WAC: variants seen among roughly 807,000 people sequenced by gnomAD.
WAC encodes the protein WW domain containing adaptor with coiled-coil.
A neutral mutation model predicts 79.6 loss-of-function variants in WAC; 11 were observed. That is an observed-to-expected ratio of 0.14 (90% confidence interval 0.09 to 0.23). The LOEUF is 0.23. WAC is among the 10% of genes least tolerant of loss of function. WAC has a pLI of 1.00. For synonymous variants in WAC, 304 were observed against 276.9 expected, an observed-to-expected ratio of 1.10 and a Z score of -0.97; for missense variants, 728 against 773.5, an observed-to-expected ratio of 0.94 and a Z score of 0.70.
chr10:28,577,644 G>A (rs1188916864), intron 3 of WAC, among the ~76,000 whole-genome samples: 1 of 152,202 alleles, frequency 6.6e-6, no homozygotes, highest in East Asian at 1.9e-4. Context: ...AGCATTCAGA[G>A]TAACAGAGGA....
At chr10:28,597,441 T>G (rs1450675553) in intron 7 of WAC, among the ~76,000 whole-genome samples, 1 of 152,214 alleles carries the variant, frequency 6.6e-6, no homozygotes, top group Non-Finnish European at 1.5e-5. Flanking sequence ...ATGTCACCTT[T>G]GTACATTTAA....
rs41283724 is a variant in WAC, at chr10:28,590,909, A to G, written c.610+77A>G. 271,375 of 1,030,832 alleles carry G rather than the reference A, an allele frequency of 0.26. 38,366 individuals carry two copies. Among genetic ancestry groups the G allele is most frequent in the Non-Finnish European group, 0.27 (190,113 of 692,246 alleles). The allele number at this position is 1,030,832 out of a possible 1,614,324, so 63.9% of individuals were successfully genotyped here. The stretch of plus-strand genomic sequence containing the variant: ...ATTTTTCAAATCTGTATCCATTGCC[A>G]TCTACATATGTAAATTAAAATAAAT... On this transcript the variant is annotated intron_variant, in intron 6 of 13. Transcript: ENST00000354911.
At chr10:28,570,930 T>C (rs1838917608) in intron 3 of WAC, among the ~76,000 whole-genome samples, 1 of 150,998 alleles carries the variant, frequency 6.6e-6, no homozygotes, top group South Asian at 2.1e-4. Flanking sequence ...TTAGTTGTGT[T>C]ATCCTTAAAG....
At chr10:28,586,046 C>G (rs527831980) in intron 4 of WAC, among the ~76,000 whole-genome samples, 1 of 152,076 alleles carries the variant, frequency 6.6e-6, no homozygotes, top group East Asian at 1.9e-4. Context: ...TAGATTTCAC[C>G]TGTAGGTGCA....
chr10:28,570,946 CTTTTTTT>C lies in WAC; in HGVS notation c.275-12431_275-12425del, dbSNP rs139500035. Among the ~76,000 whole-genome samples the C allele has an allele frequency of 2.0e-4, 13 of 64,538 alleles. 1 individual carries two copies. The highest frequency in any genetic ancestry group is 2.6e-4 in the Admixed American group (1 of 3,914). 42.3% of individuals were successfully genotyped at this position (64,538 alleles called of 152,430 possible). ...TAGTTGTGTTATCCTTAAAGATATA[CTTTTTTT>C]TTTTTTTTTTTTTTTTTTTTTGAGT... On this transcript the variant is annotated intron_variant, in intron 3 of 13. Transcript: ENST00000354911.
chr10:28,578,675 A>AT (rs917136118), intron 3 of WAC, among the ~76,000 whole-genome samples: 58 of 151,702 alleles, frequency 3.8e-4, no homozygotes, highest in Non-Finnish European at 7.9e-4. Context: ...GTTTTGATGA[A>AT]TTTTTTTTGG....
At chr10:28,554,542 A>G (rs1476346605) in intron 3 of WAC, among the ~76,000 whole-genome samples, 1 of 151,994 alleles carries the variant, frequency 6.6e-6, no homozygotes, top group African/African-American at 2.4e-5. Context: ...ATATCCACGA[A>G]TAGCTCGTGA....
rs1841697665 is a variant in WAC, at chr10:28,621,690, A to G, written c.*2084A>G. 6.6e-6 allele frequency: 1 copy of G among 152,290 alleles called. No homozygotes were observed. The highest frequency in any genetic ancestry group is 2.1e-4 in the South Asian group (1 of 4,830). The allele number at this position is 152,290 out of a possible 1,614,324, so 9.4% of individuals were successfully genotyped here. On this transcript the variant is annotated 3_prime_UTR_variant, in exon 14 of 14. Transcript: ENST00000354911. Reference sequence around the variant, plus strand: ...TATCTTTCCTGGAAAGAAGTGAGCAATTTGTTGTAATAGGCAAATGTTTCC... The same window carrying G: ...TATCTTTCCTGGAAAGAAGTGAGCAGTTTGTTGTAATAGGCAAATGTTTCC...
At chr10:28,617,619 G>A (rs951331407) in intron 12 of WAC, 38 bp from the exon 13 acceptor site, 2 of 1,515,106 alleles carry the variant, frequency 1.3e-6, no homozygotes, top group African/African-American at 2.9e-5. Context: ...GTATGTTAAT[G>A]TTTATATTTT....
At chr10:28,598,746 C>G (rs2132726245) in intron 7 of WAC, among the ~76,000 whole-genome samples, 1 of 152,334 alleles carries the variant, frequency 6.6e-6, no homozygotes, top group Admixed American at 6.5e-5. Flanking sequence ...TACAGCACAT[C>G]TATGTCAGTT....
At chr10:28,611,642 T>C in intron 9 of WAC, 132 bp from the exon 10 acceptor site, 1 of 1,265,940 alleles carries the variant, frequency 7.9e-7, no homozygotes, top group Non-Finnish European at 1.1e-6. Context: ...TTCCAATAAG[T>C]GTTCTCTGGG....
chr10:28,554,866 C>T (rs941864309), intron 3 of WAC, among the ~76,000 whole-genome samples: 2 of 152,188 alleles, frequency 1.3e-5, no homozygotes, highest in Non-Finnish European at 2.9e-5. Context: ...AGAATACTCT[C>T]TTTCCATCAG....
intron 3 of WAC, among the ~76,000 whole-genome samples, chr10:28,571,416 G>C (rs952138752): frequency 2.5e-4 from 38 of 152,266 alleles, no homozygotes; most frequent in African/African-American, 4.1e-4. Flanking sequence ...TTACACATCT[G>C]TTACATCGCA....
At chr10:28,565,217 G>A (rs1485011817) in intron 3 of WAC, among the ~76,000 whole-genome samples, 1 of 152,214 alleles carries the variant, frequency 6.6e-6, no homozygotes, top group Non-Finnish European at 1.5e-5. Context: ...GCCATTGAAG[G>A]AAATGTGGAT....
Position 28,622,005 on chromosome 10 carries a change from G to A in WAC, c.*2399G>A, listed in dbSNP as rs1841712022. The A allele has an allele frequency of 6.6e-6, 1 of 152,404 alleles. No homozygotes were observed. The highest frequency in any genetic ancestry group is 1.5e-5 in the Non-Finnish European group (1 of 68,274). The allele number at this position is 152,404 out of a possible 1,614,324, so 9.4% of individuals were successfully genotyped here. A position where few individuals can be genotyped will look rare whatever the true frequency, so the allele number is the denominator to read the frequency against. ...CGATTCTCCTGCCTCGGCGTTCCGA[G>A]TAGCTGGGATTACAGGCATGCACCA... is the stretch of plus-strand genomic sequence containing the variant. On this transcript the variant is annotated 3_prime_UTR_variant, in exon 14 of 14. Transcript: ENST00000354911.
chr10:28,551,395 T>C (rs1837660720), intron 3 of WAC, among the ~76,000 whole-genome samples: 1 of 152,166 alleles, frequency 6.6e-6, no homozygotes, highest in Admixed American at 6.6e-5. Flanking sequence ...AGCTTGTGCA[T>C]TTTGACAGTA....
chr10:28,617,635 T>G lies in WAC; in HGVS notation c.1747-22T>G, dbSNP rs558490252. ...TATGTTAATGTTTATATTTTATGTT[T>G]TCTTCATTTCTTTAATTACAGGCAT... On this transcript the variant is annotated intron_variant, in intron 12 of 13. Transcript: ENST00000354911. 7.8e-6 allele frequency: 12 copies of G among 1,536,112 alleles called. No individual in the cohort carries two copies. The Admixed American group carries it at 2.9e-4, about 37-fold the overall frequency.
intron 2 of WAC, 168 bp downstream of exon 2, chr10:28,534,202 C>G: frequency 1.7e-6 from 1 of 582,172 alleles, no homozygotes; most frequent in Non-Finnish European, 2.9e-6. Context: ...CTTTAGCGCT[C>G]TCCAGCAAGG....
chr10:28,542,822 C>T (rs1317541409), intron 3 of WAC, among the ~76,000 whole-genome samples: 1 of 152,186 alleles, frequency 6.6e-6, no homozygotes, highest in Non-Finnish European at 1.5e-5. Flanking sequence ...TCTGATAGAT[C>T]AGTAGCCTTC....
Sources: gnomAD v4.1 joint callset for allele counts (sites outside exome capture counted in the v4.1 genomes callset) on GRCh38, gnomAD v4.1.1 for gene constraint, MANE v1.5 for transcripts, NCBI Gene and HGNC (gene_info 2026-07-23, HGNC 2026-07-21) for gene names.